ANK1: variants seen among roughly 807,000 people sequenced by gnomAD.
ANK1 encodes ankyrin-1.
A neutral mutation model predicts 210.4 loss-of-function variants in ANK1; 51 were observed. The ratio of observed to expected loss-of-function variants is 0.24; its 90% CI spans 0.19 to 0.31. The LOEUF (loss-of-function observed/expected upper bound fraction) is 0.31. ANK1 is among the 10% of genes least tolerant of loss of function. The pLI is 1.00. For synonymous variants in ANK1, 967 were observed against 1,025.9 expected (o/e 0.94, Z 1.10); for missense variants, 2,051 against 2,504.4 (o/e 0.82, Z 3.86).
At chr8:41,844,880 G>A (rs1249684458) in intron 1 of ANK1, among the ~76,000 whole-genome samples, 1 of 152,138 alleles carries the variant, frequency 6.6e-6, no homozygotes, top group Non-Finnish European at 1.5e-5. Flanking sequence ...AGCTGGGAGA[G>A]GAAGACAGAT....
chr8:41,787,322 A>C (rs144095394), intron 1 of ANK1, among the ~76,000 whole-genome samples: 149 of 152,354 alleles, frequency 9.8e-4, no homozygotes, highest in African/African-American at 3.3e-3. Flanking sequence ...CCATTTGGTA[A>C]TGAAAAGCCT....
chr8:41,689,867 C>T (rs181944530), intron 33 of ANK1, among the ~76,000 whole-genome samples: 93 of 152,064 alleles, frequency 6.1e-4, no homozygotes, highest in Middle Eastern at 3.4e-3. Flanking sequence ...GTGTGAACCT[C>T]AGAGGCCTCG....
chr8:41,843,038 G>A (rs1269192154), intron 1 of ANK1, among the ~76,000 whole-genome samples: 1 of 152,148 alleles, frequency 6.6e-6, no homozygotes, highest in East Asian at 1.9e-4. Context: ...AATAGAGACA[G>A]AGTTTCACCA....
intron 1 of ANK1, among the ~76,000 whole-genome samples, chr8:41,763,899 T>TC (rs1355920107): frequency 3.2e-5 from 4 of 124,654 alleles, no homozygotes; most frequent in Admixed American, 8.1e-5. Flanking sequence ...CTTTTTTTTT[T>TC]TTTTTTTTTT....
intron 1 of ANK1, among the ~76,000 whole-genome samples, chr8:41,858,567 T>G (rs1284385107): frequency 6.6e-6 from 1 of 152,178 alleles, no homozygotes; most frequent in Non-Finnish European, 1.5e-5. Context: ...CCAAGGGAAC[T>G]GCTCGGACGT....
intron 1 of ANK1, among the ~76,000 whole-genome samples, chr8:41,844,989 G>A (rs1260568912): frequency 1.3e-5 from 2 of 152,146 alleles, no homozygotes; most frequent in East Asian, 1.9e-4. Context: ...GGATTGCAAC[G>A]CGGAAAAGCT....
In ANK1 at chr8:41,724,443, G is replaced by T; in HGVS notation, c.711+13C>A. On this transcript the variant is annotated intron_variant, in intron 7 of 42. Coordinates refer to ENST00000289734, the MANE Select transcript of ANK1 (RefSeq NM_000037.4). ...GCCCCCGGACAGTGAGGGCGCACGTGCCCCAGGGTTACCTGTGGTGTGAAA... is the reference window on the plus strand; with the variant it reads ...GCCCCCGGACAGTGAGGGCGCACGTTCCCCAGGGTTACCTGTGGTGTGAAA... 1 of 1,558,740 alleles carries T rather than the reference G, an allele frequency of 6.4e-7. No individual in the cohort carries two copies. The highest frequency in any genetic ancestry group is 8.7e-7 in the Non-Finnish European group (1 of 1,150,888).
intron 1 of ANK1, among the ~76,000 whole-genome samples, chr8:41,868,525 A>T (rs1161961451): frequency 1.3e-5 from 2 of 152,248 alleles, no homozygotes; most frequent in African/African-American, 4.8e-5. Context: ...CAATGTACGA[A>T]ATCTCATCAG....
At chr8:41,760,017 C>T (rs74959350) in intron 1 of ANK1, among the ~76,000 whole-genome samples, 24,181 of 152,136 alleles carry the variant, frequency 0.16, 2,303 homozygotes, top group South Asian at 0.23. Context: ...CGCCCCCCAA[C>T]AGATTTCTTA....
chr8:41,724,095 T>C (rs1338976572), intron 7 of ANK1, among the ~76,000 whole-genome samples: 1 of 152,066 alleles, frequency 6.6e-6, no homozygotes. Flanking sequence ...GCCTAAGACA[T>C]TTTAAAACCT....
chr8:41,896,739 TCTGGGCAGGGCC>T, exon 1 of ANK1: 1 of 190,852 alleles, frequency 5.2e-6, no homozygotes, highest in East Asian at 1.4e-4. Flanking sequence ...CGGGACGGGC[TCTGGGCAGGGCC>T]CGCCGCCTCC....
At chr8:41,794,024 C>T (rs1436168855) in intron 1 of ANK1, among the ~76,000 whole-genome samples, 1 of 152,202 alleles carries the variant, frequency 6.6e-6, no homozygotes, top group Non-Finnish European at 1.5e-5. Context: ...ATGATAACAC[C>T]ATTTGCCACA....
At position 41,698,145 on chromosome 8, in the gene ANK1, A is replaced by G. The variant is rs1163027771; in HGVS notation, c.2559-24T>C. The stretch of plus-strand genomic sequence containing the variant: ...CCCTGCGTGCCAAGAACACCAGAAC[A>G]TCACAGGGCTGATCCACATGTGCAC... On this transcript the variant is annotated intron_variant, in intron 23 of 42. Coordinates refer to ENST00000289734, the MANE Select transcript of ANK1 (RefSeq NM_000037.4). 1.7e-5 allele frequency: 27 copies of G among 1,612,380 alleles called. No individual in the cohort carries two copies. In the South Asian group the frequency reaches 2.6e-4, roughly 16 times the overall value.
rs905457871 is a variant in ANK1, at chr8:41,820,729, C to T, written c.127-62592G>A. 7.9e-5 allele frequency among the ~76,000 whole-genome samples: 12 copies of T among 152,236 alleles called. 1 individual carries two copies. The highest frequency in any genetic ancestry group is 6.5e-4 in the Admixed American group (10 of 15,286). The stretch of plus-strand genomic sequence containing the variant: ...TTGGCTGGGATAGGAATTAAATTGA[C>T]ATAAACCAGATTAACAGGAGAAAAA... On this transcript the variant is annotated intron_variant, in intron 1 of 42. Transcript: ENST00000265709.
intron 1 of ANK1, among the ~76,000 whole-genome samples, chr8:41,879,202 G>T (rs1353893660): frequency 2.0e-5 from 3 of 152,144 alleles, no homozygotes; most frequent in African/African-American, 7.2e-5. Context: ...CCGTGACCTG[G>T]GGAATGTAAG....
rs1348623035 is a variant in ANK1 at position 41,822,132 on chromosome 8, G to GAA, written c.127-63996_127-63995insTT. Among the ~76,000 whole-genome samples, 128 of 40,996 alleles carry GAA rather than the reference G, an allele frequency of 3.1e-3. 1 individual carries two copies. Among genetic ancestry groups the GAA allele is most frequent in the African/African-American group, 0.02 (120 of 5,870 alleles). The allele number at this position is 40,996 out of a possible 152,430, so 26.9% of individuals were successfully genotyped here. A position where few individuals can be genotyped will look rare whatever the true frequency, so the allele number is the denominator to read the frequency against. ...AGAGAGAGAAAGAAAGAGAAAGAAA[G>GAA]AGAAAGAAAGAAAGAAAGAAAGAAA... On this transcript the variant is annotated intron_variant, in intron 1 of 42. Coordinates refer to the ANK1 transcript ENST00000265709.
chr8:41,761,628 G>T (rs1252793086), intron 1 of ANK1, among the ~76,000 whole-genome samples: 3 of 152,094 alleles, frequency 2.0e-5, no homozygotes, highest in Admixed American at 2.0e-4. Flanking sequence ...AGTGTGTGGC[G>T]ATTTGTTACA....
intron 1 of ANK1, among the ~76,000 whole-genome samples, chr8:41,835,736 G>A (rs1234282589): frequency 6.6e-6 from 1 of 152,250 alleles, no homozygotes; most frequent in African/African-American, 2.4e-5. Context: ...ATGCAACCTA[G>A]AACATGTGGT....
At chr8:41,798,159 G>C (rs1256042361), upstream of ANK1, among the ~76,000 whole-genome samples, 1 of 152,022 alleles carries the variant, frequency 6.6e-6, no homozygotes, top group African/African-American at 2.4e-5. Context: ...CCCTGTCGGC[G>C]CTGCGGGTGT....
Sources: allele counts gnomAD v4.1 joint callset (sites outside exome capture counted in the v4.1 genomes callset), GRCh38; gene constraint gnomAD v4.1.1; transcripts MANE v1.5; gene names NCBI Gene and HGNC (gene_info 2026-07-23, HGNC 2026-07-21).